The following PCCA variants were observed in gnomAD, a reference collection of about 807,000 sequenced individuals.
PCCA encodes the protein propionyl-CoA carboxylase alpha chain, mitochondrial.
In PCCA, 74 loss-of-function variants were observed where a neutral mutation model predicts 101.3. The ratio of observed to expected loss-of-function variants is 0.73; its 90% CI spans 0.61 to 0.89. PCCA has a LOEUF of 0.89. PCCA is among the 40% of genes least tolerant of loss of function. PCCA has a pLI of 0.00. For synonymous variants in PCCA, 294 were observed against 313.6 expected (o/e 0.94, Z 0.66); for missense variants, 891 against 907.0 (o/e 0.98, Z 0.23).
chr13:100,520,659 AGTTG>A (rs200790508), intron 22 of PCCA, among the ~76,000 whole-genome samples: 3,043 of 138,832 alleles, frequency 0.022, 123 homozygotes, highest in African/African-American at 0.076. Context: ...AAAAAAAAAG[AGTTG>A]GTTTTTGTTG....
At chr13:100,434,995 A>T (rs1431145924) in intron 20 of PCCA, among the ~76,000 whole-genome samples, 2 of 152,208 alleles carry the variant, frequency 1.3e-5, no homozygotes, top group Non-Finnish European at 2.9e-5. Context: ...CATCTGACTT[A>T]AAGATGTATG....
chr13:100,368,373 G>A, intron 18 of PCCA, 99 bp from the exon 19 acceptor site: 5 of 695,308 alleles, frequency 7.2e-6, no homozygotes, highest in Non-Finnish European at 1.3e-5. Flanking sequence ...TACATTCAAT[G>A]GCAGTTTTAG....
chr13:100,158,110 A>G (rs1052492886), intron 6 of PCCA, among the ~76,000 whole-genome samples: 9 of 152,178 alleles, frequency 5.9e-5, no homozygotes, highest in Non-Finnish European at 1.2e-4. Flanking sequence ...GTTATAGCCT[A>G]TTGCTCCTAG....
chr13:100,324,134 C>G (rs2068379723), intron 16 of PCCA, among the ~76,000 whole-genome samples: 1 of 152,368 alleles, frequency 6.6e-6, no homozygotes, highest in South Asian at 2.1e-4. Flanking sequence ...ATGCTGCAGT[C>G]ACCTGCTCTT....
chr13:100,437,409 ATAAT>A (rs2080017440), intron 20 of PCCA, among the ~76,000 whole-genome samples: 1 of 149,728 alleles, frequency 6.7e-6, no homozygotes, highest in Admixed American at 6.7e-5. Context: ...ACTCTTGAAA[ATAAT>A]TAAAAGTTCT....
At chr13:100,419,249 A>T (rs1406220486) in intron 19 of PCCA, among the ~76,000 whole-genome samples, 2 of 152,050 alleles carry the variant, frequency 1.3e-5, no homozygotes, top group Non-Finnish European at 2.9e-5. Flanking sequence ...AGGTGGGTGG[A>T]TCACTTGAGG....
chr13:100,297,401 C>T (rs2065641833), intron 12 of PCCA, among the ~76,000 whole-genome samples: 1 of 152,170 alleles, frequency 6.6e-6, no homozygotes, highest in African/African-American at 2.4e-5. Flanking sequence ...TTTTTAGAAT[C>T]ATGAGGTAGG....
intron 12 of PCCA, among the ~76,000 whole-genome samples, chr13:100,276,887 T>G (rs1274719294): frequency 1.3e-5 from 2 of 152,246 alleles, no homozygotes; most frequent in Non-Finnish European, 2.9e-5. Context: ...TATGACTACT[T>G]GTATTAACTG....
intron 21 of PCCA, among the ~76,000 whole-genome samples, chr13:100,478,177 T>C (rs1036701343): frequency 6.6e-6 from 1 of 152,204 alleles, no homozygotes; most frequent in African/African-American, 2.4e-5. Flanking sequence ...GGATTTTTTT[T>C]CCCCTTGATC....
Position 100,203,401 on chromosome 13 carries a change from G to C in PCCA, c.469-5931G>C, listed in dbSNP as rs573985386. ...TTTTTCTTTGCCTTATAAAAACATT[G>C]TATTGGGGCCAGGCATGGTGGCTCA... On this transcript the variant is annotated intron_variant, in intron 6 of 23. Transcript: ENST00000376285. 3.2e-4 allele frequency among the ~76,000 whole-genome samples: 49 copies of C among 152,000 alleles called. No homozygotes were observed. In the East Asian group the frequency reaches 8.9e-3, roughly 28 times the overall value.
At chr13:100,201,857 C>CAAAAAAAAAA (rs55669622) in intron 6 of PCCA, among the ~76,000 whole-genome samples, 3 of 60,732 alleles carry the variant, frequency 4.9e-5, no homozygotes, top group Non-Finnish European at 8.4e-5. Context: ...AACTGCGTCT[C>CAAAAAAAAAA]AAAAAAAAAA....
At chr13:100,333,943 G>A (rs1029305787) in intron 17 of PCCA, among the ~76,000 whole-genome samples, 10 of 152,168 alleles carry the variant, frequency 6.6e-5, no homozygotes, top group Middle Eastern at 3.2e-3. Flanking sequence ...GGCTCTAGAA[G>A]AAAATCAAAG....
At chr13:100,332,917 A>G (rs1220007121) in intron 17 of PCCA, among the ~76,000 whole-genome samples, 1 of 152,222 alleles carries the variant, frequency 6.6e-6, no homozygotes, top group Non-Finnish European at 1.5e-5. Flanking sequence ...GTAAAGCTAA[A>G]TGACCAGTAA....
rs576831360 is a variant in PCCA, at chr13:100,457,062, C to G, written c.1899+7757C>G. 4.9e-3 allele frequency among the ~76,000 whole-genome samples: 740 copies of G among 152,282 alleles called. 2 individuals are homozygous for G. Among genetic ancestry groups the G allele is most frequent in the Non-Finnish European group, 8.7e-3 (589 of 68,016 alleles). On this transcript the variant is annotated intron_variant, in intron 21 of 23. Coordinates refer to ENST00000376285, the MANE Select transcript of PCCA (RefSeq NM_000282.4). ...GGCTCACCTCTTGCCTTCTAGGTCA[C>G]TTCTCACAATGTCCCTTCAGCACCT...
intron 4 of PCCA, among the ~76,000 whole-genome samples, chr13:100,144,816 A>G (rs569277904): frequency 6.6e-6 from 1 of 152,294 alleles, no homozygotes; most frequent in East Asian, 1.9e-4. Flanking sequence ...TACTCATGGG[A>G]TCCTGGAAAT....
chr13:100,356,194 C>T (rs573512451), intron 18 of PCCA, among the ~76,000 whole-genome samples: 54 of 152,092 alleles, frequency 3.6e-4, no homozygotes, highest in African/African-American at 9.9e-4. Context: ...ATCTTTGTTA[C>T]GTTTGGTTAG....
intron 20 of PCCA, among the ~76,000 whole-genome samples, chr13:100,443,749 C>T (rs916294224): frequency 6.6e-6 from 1 of 151,832 alleles, no homozygotes; most frequent in Non-Finnish European, 1.5e-5. Flanking sequence ...CCTTAGATTC[C>T]TCATCTGTAG....
intron 19 of PCCA, among the ~76,000 whole-genome samples, chr13:100,414,138 T>C (rs1317183036): frequency 6.6e-5 from 10 of 152,214 alleles, no homozygotes; most frequent in Non-Finnish European, 1.5e-4. Flanking sequence ...TTATAACACA[T>C]GGATATTTAA....
intron 18 of PCCA, among the ~76,000 whole-genome samples, chr13:100,342,204 A>G (rs2071475945): frequency 6.6e-6 from 1 of 151,804 alleles, no homozygotes; most frequent in Admixed American, 6.6e-5. Context: ...CACTTTCCCC[A>G]TTTGTTAATT....
Sources: gnomAD v4.1 joint callset for allele counts (sites outside exome capture counted in the v4.1 genomes callset) on GRCh38, gnomAD v4.1.1 for gene constraint, MANE v1.5 for transcripts, NCBI Gene and HGNC (gene_info 2026-07-23, HGNC 2026-07-21) for gene names.